LRRC74A: variants seen among roughly 807,000 people sequenced by gnomAD.
LRRC74A encodes leucine rich repeat containing 74A.
Under a neutral mutation model 57.9 loss-of-function variants are expected in LRRC74A, and 44 were observed. The ratio of observed to expected loss-of-function variants is 0.76; its 90% confidence interval spans 0.60 to 0.98. LRRC74A has a LOEUF of 0.98. Ranked by LOEUF, LRRC74A falls within the 50% of genes least tolerant of loss-of-function variation. The probability of loss-of-function intolerance (pLI) is 0.00; values close to 1 mark genes in which losing one functional copy is unlikely to be tolerated. For synonymous variants in LRRC74A, 211 were observed against 219.4 expected (o/e 0.96, Z 0.34); for missense variants, 572 against 574.0 (o/e 1.00, Z 0.04).
rs2140280123 is a variant in LRRC74A at position 76,844,406 on chromosome 14, C to T, written c.545-17C>T. 3 of 1,611,104 alleles carry T rather than the reference C, an allele frequency of 1.9e-6. No homozygotes were observed. Among genetic ancestry groups the T allele is most frequent in the East Asian group, 4.5e-5 (2 of 44,792 alleles). On this transcript the variant is annotated splice_polypyrimidine_tract_variant and intron_variant, in intron 5 of 13. Coordinates refer to ENST00000689127, the MANE Select transcript of LRRC74A (RefSeq NM_001385106.1). ...ATGGTCTAGCAGTGCATCACTGACA[C>T]ACCACCCTCACTACAGGAAATGACT...
chr14:76,864,908 A>G (rs530897343), intron 11 of LRRC74A, among the ~76,000 whole-genome samples: 2 of 152,366 alleles, frequency 1.3e-5, no homozygotes, highest in South Asian at 4.1e-4. Flanking sequence ...AAAGGTGTTC[A>G]TATGTGAACA....
rs1328727842 is a variant in LRRC74A at position 76,866,235 on chromosome 14, C to T, written c.1308+160C>T. Among the ~76,000 whole-genome samples the T allele has an allele frequency of 3.3e-5, 5 of 152,264 alleles. No homozygotes were observed. The East Asian group carries it at 9.6e-4, about 29-fold the overall frequency. On this transcript the variant is annotated intron_variant, in intron 12 of 13. Transcript: ENST00000689127. Reference sequence around the variant, plus strand: ...GACACTCCCCTCATTTATCTAGACCCAGAGGGGAACCTAAGACCTCCCTCA... The same window carrying T: ...GACACTCCCCTCATTTATCTAGACCTAGAGGGGAACCTAAGACCTCCCTCA...
At chr14:76,852,296 A>G in intron 7 of LRRC74A, 69 bp from the exon 8 acceptor site, 2 of 1,221,660 alleles carry the variant, frequency 1.6e-6, no homozygotes, top group Non-Finnish European at 2.4e-6. Flanking sequence ...TGTCATGGAC[A>G]TCTGTTAACT....
intron 6 of LRRC74A, 84 bp from the exon 7 acceptor site, chr14:76,844,736 C>A: frequency 1.3e-6 from 1 of 788,130 alleles, no homozygotes; most frequent in South Asian, 1.6e-5. Context: ...ATCAGAGCCC[C>A]ACCATCATAC....
At chr14:76,858,836 AC>A (rs1396224414) in intron 10 of LRRC74A, among the ~76,000 whole-genome samples, 2 of 151,930 alleles carry the variant, frequency 1.3e-5, no homozygotes, top group African/African-American at 4.8e-5. Flanking sequence ...TGATCCACCC[AC>A]TTCAGCCTCC....
At position 76,826,639 on chromosome 14, in the gene LRRC74A, G is replaced by A. The variant is rs1228385810; in HGVS notation, c.-59G>A. The A allele has an allele frequency of 6.2e-7, 1 of 1,609,024 alleles. No individual in the cohort carries two copies. On this transcript the variant is annotated 5_prime_UTR_variant, in exon 1 of 14. An upstream open reading frame in the 5' UTR loses its in-frame stop. Transcript: ENST00000689127. ...GGTGAATGGACAGGTGTGCTTCTTA[G>A]GGAAGCAGTCGAGAGGTGGCAAGAA...
At chr14:76,847,650 T>C (rs1363571608) in intron 7 of LRRC74A, among the ~76,000 whole-genome samples, 1 of 151,348 alleles carries the variant, frequency 6.6e-6, no homozygotes, top group Non-Finnish European at 1.5e-5. Flanking sequence ...AGTTTACCTA[T>C]ATAACAAACC....
At chr14:76,842,144 T>A (rs2140276623) in intron 5 of LRRC74A, among the ~76,000 whole-genome samples, 1 of 152,348 alleles carries the variant, frequency 6.6e-6, no homozygotes, top group South Asian at 2.1e-4. Context: ...TCTATCACAT[T>A]TTCTAATTGG....
At position 76,837,971 on chromosome 14, in the gene LRRC74A, G is replaced by T; in HGVS notation, c.544G>T (p.Gly182Ter). 1 of 1,556,682 alleles carries T rather than the reference G, an allele frequency of 6.4e-7. No homozygotes were observed. Among genetic ancestry groups the T allele is most frequent in the Non-Finnish European group, 8.7e-7 (1 of 1,144,798 alleles). Reference sequence around the variant, plus strand: ...TTCTATCTGGAGCCTTGAGCTTTCAGGTGAGCACATGGAAAGGGAGGGAGA... The same window carrying T: ...TTCTATCTGGAGCCTTGAGCTTTCATGTGAGCACATGGAAAGGGAGGGAGA... ...SSSIWSLELS[G>*]NDFKEDSAAL... The change falls in exon 5 of 14, where the codon GGA (glycine) becomes TGA (stop). Residue 182 changes from glycine (G) to a stop codon, truncating the protein, a stop_gained and splice_region_variant. Transcript: ENST00000689127. LOFTEE classifies it high-confidence loss of function.
At chr14:76,843,020 C>G (rs948553706) in intron 5 of LRRC74A, among the ~76,000 whole-genome samples, 1 of 151,942 alleles carries the variant, frequency 6.6e-6, no homozygotes, top group Non-Finnish European at 1.5e-5. Flanking sequence ...ATAAAGACAC[C>G]AGGTGCGAAT....
At chr14:76,850,100 C>T (rs916649456) in intron 7 of LRRC74A, among the ~76,000 whole-genome samples, 3 of 151,586 alleles carry the variant, frequency 2.0e-5, no homozygotes, top group East Asian at 2.0e-4. Context: ...CCCAGCTACT[C>T]GGGAGGCTGA....
At chr14:76,830,693 T>C (rs1239118719) in intron 2 of LRRC74A, among the ~76,000 whole-genome samples, 1 of 152,244 alleles carries the variant, frequency 6.6e-6, no homozygotes, top group African/African-American at 2.4e-5. Context: ...TCTGTCCTAG[T>C]TGGGCTTTTT....
intron 11 of LRRC74A, among the ~76,000 whole-genome samples, chr14:76,863,149 G>A (rs1476039345): frequency 2.0e-5 from 3 of 151,458 alleles, no homozygotes; most frequent in African/African-American, 7.3e-5. Flanking sequence ...CTTGGCGAAT[G>A]GTTGGATATG....
At chr14:76,844,538 G>T in intron 6 of LRRC74A, 66 bp downstream of exon 6, 2 of 1,481,098 alleles carry the variant, frequency 1.4e-6, no homozygotes, top group Non-Finnish European at 1.9e-6. Context: ...GCAACCTGGG[G>T]CTGCTATGGG....
chr14:76,858,594 T>C (rs2242626), intron 10 of LRRC74A, among the ~76,000 whole-genome samples: 11,712 of 152,156 alleles, frequency 0.077, 1,125 homozygotes, highest in African/African-American at 0.22. Flanking sequence ...CATTTTCCCA[T>C]TTTACATATA....
intron 8 of LRRC74A, among the ~76,000 whole-genome samples, 159 bp from the exon 9 acceptor site, chr14:76,853,057 G>A (rs1897621080): frequency 6.6e-6 from 1 of 152,184 alleles, no homozygotes; most frequent in African/African-American, 2.4e-5. Flanking sequence ...TTGAGACTGA[G>A]CCCAGCTGGG....
Position 76,831,268 on chromosome 14 carries a change from G to A in LRRC74A, c.232G>A (p.Val78Ile). The A allele has an allele frequency of 6.2e-7, 1 of 1,614,078 alleles. No homozygotes were observed. Among genetic ancestry groups the A allele is most frequent in the Non-Finnish European group, 8.5e-7 (1 of 1,179,896 alleles). ...CCTGGAGGCCTGCAAGCTGATGGGT[G>A]TAGTGCCTGTCTCCTACTTCATTCG... Reference protein sequence around the residue: ...LYLEACKLMGVVPVSYFIRNM... With the variant: ...LYLEACKLMGIVPVSYFIRNM... Residue 78 changes from valine (V) to isoleucine (I), a missense_variant, in exon 3 of 14, where the codon GTA (valine) becomes ATA (isoleucine). By Grantham distance (29) the Val-to-Ile change is conservative (BLOSUM62 3). Coordinates refer to ENST00000689127, the MANE Select transcript of LRRC74A (RefSeq NM_001385106.1).
At chr14:76,842,023 T>C (rs1379052178) in intron 5 of LRRC74A, among the ~76,000 whole-genome samples, 1 of 152,198 alleles carries the variant, frequency 6.6e-6, no homozygotes, top group Non-Finnish European at 1.5e-5. Context: ...CAGGTCTTTT[T>C]ACATTCTTGA....
chr14:76,834,186 C>T (rs749006284), intron 3 of LRRC74A, among the ~76,000 whole-genome samples: 11 of 152,116 alleles, frequency 7.2e-5, no homozygotes, highest in Admixed American at 4.6e-4. Flanking sequence ...GCACTGTTTT[C>T]CGGGGATGGG....
Sources: gnomAD v4.1 joint callset for allele counts (sites outside exome capture counted in the v4.1 genomes callset) on GRCh38, gnomAD v4.1.1 for gene constraint, MANE v1.5 for transcripts, NCBI Gene and HGNC (gene_info 2026-07-23, HGNC 2026-07-21) for gene names.